ZNF660: variants seen among roughly 807,000 people sequenced by gnomAD.
The protein encoded by ZNF660 is zinc finger protein 660.
Under a neutral mutation model 23.2 loss-of-function variants are expected in ZNF660, and 24 were observed. The ratio of observed to expected loss-of-function variants is 1.04; its 90% CI spans 0.75 to 1.46. The LOEUF (loss-of-function observed/expected upper bound fraction) is 1.46, where lower values mean the gene tolerates loss of function less well. ZNF660 is among the 40% of genes most tolerant of loss of function. The probability of loss-of-function intolerance (pLI) is 0.00; values close to 1 mark genes in which losing one functional copy is unlikely to be tolerated. For missense variants in ZNF660, 373 were observed against 396.8 expected, an observed-to-expected ratio of 0.94 and a Z score of 0.51; for synonymous variants, 117 against 131.4, an observed-to-expected ratio of 0.89 and a Z score of 0.75.
At chr3:44,591,027 T>C (rs1477631040) in intron 2 of ZNF660, among the ~76,000 whole-genome samples, 1 of 152,206 alleles carries the variant, frequency 6.6e-6, no homozygotes, top group Non-Finnish European at 1.5e-5. Context: ...AACTCGAATA[T>C]GTGCAGTTAT....
At chr3:44,587,779 C>T (rs1383234906) in intron 2 of ZNF660, among the ~76,000 whole-genome samples, 1 of 152,208 alleles carries the variant, frequency 6.6e-6, no homozygotes. Flanking sequence ...ACCAGCCGGG[C>T]GCGGTGGCTT....
rs1700703514 is a variant in ZNF660 at position 44,598,674 on chromosome 3, G to T, written c.*3485G>T. On this transcript the variant is annotated 3_prime_UTR_variant, in exon 3 of 3. Coordinates refer to ENST00000322734, the MANE Select transcript of ZNF660 (RefSeq NM_173658.4). ...GTAGAGACGAGGTTTTGCCATGTTG[G>T]TCAGGCTGGTCTTGAATGAATGTGT... The T allele has an allele frequency of 6.6e-6, 1 of 152,176 alleles. No individual in the cohort carries two copies. 9.4% of individuals were successfully genotyped at this position (152,176 alleles called of 1,614,324 possible).
Position 44,594,092 on chromosome 3 carries a change from G to C in ZNF660, c.-102G>C. The C allele has an allele frequency of 7.2e-7, 1 of 1,398,028 alleles. No homozygotes were observed. The allele number at this position is 1,398,028 out of a possible 1,614,324, so 86.6% of individuals were successfully genotyped here. A position where few individuals can be genotyped will look rare whatever the true frequency, so the allele number is the denominator to read the frequency against. On this transcript the variant is annotated 5_prime_UTR_variant, in exon 3 of 3. Transcript: ENST00000322734. The stretch of plus-strand genomic sequence containing the variant: ...ATCAGAATCATACATACTTTCAAGA[G>C]AATTCCACAGAGACATTGCCCAGGA...
chr3:44,593,466 C>T lies in ZNF660; in HGVS notation c.-180-548C>T, dbSNP rs10212305. Among the ~76,000 whole-genome samples, 1,304 of 152,184 alleles carry T rather than the reference C, an allele frequency of 8.6e-3. 15 individuals are homozygous for T. Among genetic ancestry groups the T allele is most frequent in the African/African-American group, 0.03 (1,244 of 41,496 alleles). ...CGGTGGCTCATGCCTATAATCCCAG[C>T]ACTTTGGGAGGCTGAGGCAGGTGGA... On this transcript the variant is annotated intron_variant, in intron 2 of 2. Transcript: ENST00000322734.
chr3:44,588,120 T>G (rs766923910), intron 2 of ZNF660, among the ~76,000 whole-genome samples: 12 of 152,234 alleles, frequency 7.9e-5, no homozygotes, highest in Admixed American at 5.9e-4. Flanking sequence ...GAAAAGAGTT[T>G]AAATTGACTC....
chr3:44,591,959 C>T (rs531626702), intron 2 of ZNF660, among the ~76,000 whole-genome samples: 1 of 152,284 alleles, frequency 6.6e-6, no homozygotes, highest in South Asian at 2.1e-4. Context: ...GATTGAACCA[C>T]TGCACTCTAG....
chr3:44,589,522 G>A (rs2125746885), intron 2 of ZNF660, among the ~76,000 whole-genome samples: 1 of 152,294 alleles, frequency 6.6e-6, no homozygotes, highest in South Asian at 2.1e-4. Flanking sequence ...AATGTTCTGG[G>A]AGGTGGTAGT....
intron 2 of ZNF660, among the ~76,000 whole-genome samples, chr3:44,589,487 A>G (rs1377484027): frequency 6.6e-6 from 1 of 151,996 alleles, no homozygotes; most frequent in Non-Finnish European, 1.5e-5. Flanking sequence ...TCTGTTTTCC[A>G]TTTCATTAAG....
At chr3:44,587,950 G>T (rs1700283157) in intron 2 of ZNF660, among the ~76,000 whole-genome samples, 1 of 152,172 alleles carries the variant, frequency 6.6e-6, no homozygotes, top group Non-Finnish European at 1.5e-5. Context: ...AGCTACTCGG[G>T]AGGCTGAGGC....
Position 44,597,260 on chromosome 3 carries a change from AGGTAGCTG to A in ZNF660, c.*2072_*2079del, listed in dbSNP as rs1700641389. ...GTGGAAGACCAGTTGGCGTTTTCCC[AGGTAGCTG>A]CCTCTATGAAAGGTGATTGTATCTA... On this transcript the variant is annotated 3_prime_UTR_variant, in exon 3 of 3. Coordinates refer to ENST00000322734, the MANE Select transcript of ZNF660 (RefSeq NM_173658.4). The surrounding 1 kb of genome is among the most constrained non-coding windows in gnomAD (Gnocchi z 4.1). 1 of 152,204 alleles carries A rather than the reference AGGTAGCTG, an allele frequency of 6.6e-6. No homozygotes were observed. The highest frequency in any genetic ancestry group is 1.5e-5 in the Non-Finnish European group (1 of 68,038). The allele number at this position is 152,204 out of a possible 1,614,324, so 9.4% of individuals were successfully genotyped here.
chr3:44,595,270 T>G lies in ZNF660; in HGVS notation c.*81T>G. On this transcript the variant is annotated 3_prime_UTR_variant, in exon 3 of 3. Coordinates refer to ENST00000322734, the MANE Select transcript of ZNF660 (RefSeq NM_173658.4). Reference sequence around the variant, plus strand: ...TTAGTATCAACTTTAATTCTACTTCTAAGAATCATACTCTACTTCTAAGAA... The same window carrying G: ...TTAGTATCAACTTTAATTCTACTTCGAAGAATCATACTCTACTTCTAAGAA... 1 of 1,416,156 alleles carries G rather than the reference T, an allele frequency of 7.1e-7. No individual in the cohort carries two copies. The highest frequency in any genetic ancestry group is 1.9e-4 in the Middle Eastern group (1 of 5,396). The allele number at this position is 1,416,156 out of a possible 1,614,324, so 87.7% of individuals were successfully genotyped here. A position where few individuals can be genotyped will look rare whatever the true frequency, so the allele number is the denominator to read the frequency against.
At chr3:44,590,919 C>A (rs1278581595) in intron 2 of ZNF660, among the ~76,000 whole-genome samples, 1 of 152,182 alleles carries the variant, frequency 6.6e-6, no homozygotes, top group East Asian at 1.9e-4. Flanking sequence ...TCCACCCTCC[C>A]TCACCATTCT....
In ZNF660 at chr3:44,594,989, A is replaced by G. The variant is rs1418947804; in HGVS notation, c.796A>G (p.Arg266Gly). ...TAATCGAAACCTTGTTGATCATCAG[A>G]GAGTTCACACTGGAGAGAAACCCTA... ...TSNRNLVDHQ[R>G]VHTGEKPYKC... The change falls in exon 3 of 3, where the codon AGA (arginine) becomes GGA (glycine). Residue 266 changes from arginine (R) to glycine (G), a missense_variant. Physicochemically the swap from Arg to Gly is moderately radical, Grantham distance 125. Transcript: ENST00000322734. The G allele has an allele frequency of 1.2e-6, 2 of 1,614,058 alleles. No homozygotes were observed. The highest frequency in any genetic ancestry group is 1.7e-5 in the Admixed American group (1 of 60,024).
At chr3:44,588,473 C>T (rs1282801466) in intron 2 of ZNF660, among the ~76,000 whole-genome samples, 1 of 151,978 alleles carries the variant, frequency 6.6e-6, no homozygotes, top group South Asian at 2.1e-4. Context: ...ACTTTTCTAA[C>T]CCAAATCCCT....
intron 2 of ZNF660, among the ~76,000 whole-genome samples, chr3:44,587,801 C>T (rs1443437170): frequency 6.6e-6 from 1 of 152,212 alleles, no homozygotes; most frequent in African/African-American, 2.4e-5. Flanking sequence ...CGCCTGCAAT[C>T]CCAGCACTTT....
chr3:44,594,768 G>A lies in ZNF660; in HGVS notation c.575G>A (p.Cys192Tyr), dbSNP rs765890296. Reference sequence around the variant, plus strand: ...CACAGAGGAAAAAAAGTTTACAAATGTAAGGAGTGTGGGAAAACATGTGGT... The same window carrying A: ...CACAGAGGAAAAAAAGTTTACAAATATAAGGAGTGTGGGAAAACATGTGGT... ...RMHRGKKVYK[C>Y]KECGKTCGSN... Residue 192 changes from cysteine (C) to tyrosine (Y), a missense_variant, in exon 3 of 3, where the codon TGT becomes TAT. Physicochemically the swap from Cys to Tyr is radical, Grantham distance 194. Transcript: ENST00000322734. 1.5e-5 allele frequency: 24 copies of A among 1,614,094 alleles called. No homozygotes were observed. Among genetic ancestry groups the A allele is most frequent in the Non-Finnish European group, 2.0e-5 (24 of 1,180,002 alleles).
In ZNF660 at chr3:44,595,495, AATGAC is replaced by A. The variant is rs1293229988; in HGVS notation, c.*309_*313del. ...GAAATGATTGGATAAGACGGAAGAT[AATGAC>A]ATACAATCCAAAATTTAAAAAAATA... On this transcript the variant is annotated 3_prime_UTR_variant, in exon 3 of 3. Coordinates refer to ENST00000322734, the MANE Select transcript of ZNF660 (RefSeq NM_173658.4). 1.3e-5 allele frequency: 3 copies of A among 229,364 alleles called. No individual in the cohort carries two copies. The Admixed American group carries it at 1.6e-4, about 12-fold the overall frequency. The allele number at this position is 229,364 out of a possible 1,614,324, so 14.2% of individuals were successfully genotyped here.
Position 44,593,689 on chromosome 3 carries a change from CAAAAA to C in ZNF660, c.-180-310_-180-306del, listed in dbSNP as rs397874775. On this transcript the variant is annotated intron_variant, in intron 2 of 2. Coordinates refer to ENST00000322734, the MANE Select transcript of ZNF660 (RefSeq NM_173658.4). ...AAGATCGTGCCATTGCACTCCATCT[CAAAAA>C]AAAAAAAAAAAAAAGCAACGAGTTA... is the stretch of plus-strand genomic sequence containing the variant. Among the ~76,000 whole-genome samples the C allele has an allele frequency of 3.8e-4, 35 of 92,594 alleles. No individual in the cohort carries two copies. The South Asian group carries it at 5.9e-3, about 16-fold the overall frequency. 60.7% of individuals were successfully genotyped at this position (92,594 alleles called of 152,430 possible). A position where few individuals can be genotyped will look rare whatever the true frequency, so the allele number is the denominator to read the frequency against.
rs929963356 is a variant in ZNF660, at chr3:44,596,557, T to C, written c.*1368T>C. ...ACATTGATTGATTGCTTAAGGGGAA[T>C]CTAGAGGTAAGCAGTGCTATGTTTG... On this transcript the variant is annotated 3_prime_UTR_variant, in exon 3 of 3. Transcript: ENST00000322734. 12 of 152,200 alleles carry C rather than the reference T, an allele frequency of 7.9e-5. No homozygotes were observed. Among genetic ancestry groups the C allele is most frequent in the Non-Finnish European group, 1.5e-4 (10 of 68,038 alleles). 9.4% of individuals were successfully genotyped at this position (152,200 alleles called of 1,614,324 possible). A position where few individuals can be genotyped will look rare whatever the true frequency, so the allele number is the denominator to read the frequency against.
Sources: gnomAD v4.1 joint callset for allele counts (sites outside exome capture counted in the v4.1 genomes callset) on GRCh38, gnomAD v4.1.1 for gene constraint, Gnocchi (gnomAD v3.1) non-coding constraint, MANE v1.5 for transcripts, NCBI Gene and HGNC (gene_info 2026-07-23, HGNC 2026-07-21) for gene names.